PLA2G12B: variants seen among roughly 807,000 people sequenced by gnomAD.
The protein encoded by PLA2G12B is phospholipase A2 group XIIB.
PLA2G12B carries 19 observed loss-of-function variants against 22.3 expected under a neutral mutation model. The observed-to-expected ratio is 0.85, with a 90% CI of 0.60 to 1.25. PLA2G12B has a LOEUF of 1.25. Among genes scored for constraint, PLA2G12B ranks in the 50% most tolerant of loss-of-function variants. The pLI is 0.00. For missense variants in PLA2G12B, 191 were observed against 246.6 expected (o/e 0.77, Z 1.51); for synonymous variants, 81 against 94.9 (o/e 0.85, Z 0.85).
intron 1 of PLA2G12B, among the ~76,000 whole-genome samples, chr10:72,948,490 A>G (rs1846477640): frequency 6.6e-6 from 1 of 152,242 alleles, no homozygotes; most frequent in Non-Finnish European, 1.5e-5. Context: ...AGGATACCAT[A>G]TCCTCAAATT....
chr10:72,946,375 T>C (rs1846440782), intron 1 of PLA2G12B, among the ~76,000 whole-genome samples: 1 of 152,238 alleles, frequency 6.6e-6, no homozygotes, highest in Non-Finnish European at 1.5e-5. Context: ...GACATTTGGG[T>C]TGTTTTCACC....
chr10:72,937,833 T>C (rs1021304258), intron 3 of PLA2G12B, among the ~76,000 whole-genome samples: 2 of 152,096 alleles, frequency 1.3e-5, no homozygotes, highest in Non-Finnish European at 2.9e-5. Context: ...TCCAACACTT[T>C]TTCACGATAA....
intron 1 of PLA2G12B, among the ~76,000 whole-genome samples, chr10:72,951,888 T>C (rs1846537086): frequency 6.6e-6 from 1 of 152,210 alleles, no homozygotes; most frequent in African/African-American, 2.4e-5. Context: ...TTACTTTAGA[T>C]ATGAGAAGCA....
chr10:72,935,983 C>T (rs560800182), intron 3 of PLA2G12B, among the ~76,000 whole-genome samples: 5 of 152,136 alleles, frequency 3.3e-5, no homozygotes, highest in Non-Finnish European at 7.4e-5. Flanking sequence ...ACCAGAACCC[C>T]CCACACCACC....
intron 1 of PLA2G12B, 84 bp downstream of exon 1, chr10:72,954,391 G>A: frequency 6.4e-7 from 1 of 1,553,922 alleles, no homozygotes; most frequent in Non-Finnish European, 8.9e-7. Context: ...ACAGGAAAAA[G>A]TGCAAGACAG....
chr10:72,938,341 T>C (rs1227580170), intron 3 of PLA2G12B, among the ~76,000 whole-genome samples: 5 of 152,000 alleles, frequency 3.3e-5, no homozygotes, highest in Admixed American at 3.3e-4. Context: ...TTGGAAGCTC[T>C]AGCCAGGGCA....
rs531791398 is a variant in PLA2G12B at position 72,942,745 on chromosome 10, C to A, written c.212-5G>T. 6.3e-7 allele frequency: 1 copy of A among 1,587,716 alleles called. No individual in the cohort carries two copies. The highest frequency in any genetic ancestry group is 1.1e-5 in the South Asian group (1 of 87,316). ...GTCTGGGCATTGGTGCCTTTCCTTG[C>A]AGGAGGAAGAAAGGAAAGAAGCAAG... On this transcript the variant is annotated splice_region_variant and splice_polypyrimidine_tract_variant and intron_variant, in intron 1 of 3. Coordinates refer to ENST00000373032, the MANE Select transcript of PLA2G12B (RefSeq NM_032562.5).
intron 3 of PLA2G12B, among the ~76,000 whole-genome samples, chr10:72,940,834 T>C (rs949222264): frequency 3.9e-5 from 6 of 152,114 alleles, no homozygotes; most frequent in Middle Eastern, 3.4e-3. Flanking sequence ...ATTCCTGATA[T>C]GGAAAATTAT....
At chr10:72,940,861 T>C (rs982198295) in intron 3 of PLA2G12B, among the ~76,000 whole-genome samples, 2 of 152,040 alleles carry the variant, frequency 1.3e-5, no homozygotes. Context: ...GTGGAATGGA[T>C]AATCCAAGCC....
chr10:72,935,996 G>A (rs144927673), intron 3 of PLA2G12B, among the ~76,000 whole-genome samples: 9 of 152,258 alleles, frequency 5.9e-5, no homozygotes, highest in Middle Eastern at 3.4e-3. Context: ...ACACCACCAT[G>A]CTCACTCCAT....
At chr10:72,947,703 T>C (rs1846465436) in intron 1 of PLA2G12B, among the ~76,000 whole-genome samples, 1 of 152,220 alleles carries the variant, frequency 6.6e-6, no homozygotes, top group Non-Finnish European at 1.5e-5. Context: ...AGTCATTCCC[T>C]GTCTCAGGCA....
rs553029343 is a variant in PLA2G12B at position 72,937,080 on chromosome 10, G to A, written c.467-1342C>T. Among the ~76,000 whole-genome samples the A allele has an allele frequency of 5.3e-5, 8 of 152,130 alleles. No individual in the cohort carries two copies. In the South Asian group the frequency reaches 1.5e-3, roughly 28 times the overall value. On this transcript the variant is annotated intron_variant, in intron 3 of 3. Transcript: ENST00000373032. ...CAAAAAATTAGCCAGGCGTGGTGGC[G>A]GGCGCCTGTAGTCCCAGCTACTCAG...
At chr10:72,941,464 T>C in intron 2 of PLA2G12B, 130 bp from the exon 3 acceptor site, 1 of 828,904 alleles carries the variant, frequency 1.2e-6, no homozygotes, top group Non-Finnish European at 1.9e-6. Flanking sequence ...TCCCGATCAA[T>C]TCAGAAACAC....
chr10:72,950,575 G>A (rs1419138888), intron 1 of PLA2G12B, among the ~76,000 whole-genome samples: 11 of 152,134 alleles, frequency 7.2e-5, no homozygotes, highest in Non-Finnish European at 1.5e-5. Context: ...CTTCCTCCAG[G>A]GTTCAAGTGA....
At chr10:72,947,964 T>C (rs1846469666) in intron 1 of PLA2G12B, among the ~76,000 whole-genome samples, 1 of 152,156 alleles carries the variant, frequency 6.6e-6, no homozygotes, top group Non-Finnish European at 1.5e-5. Flanking sequence ...AACCTCCGCC[T>C]CCTGTGTTCA....
At position 72,942,641 on chromosome 10, in the gene PLA2G12B, G is replaced by A. The variant is rs767788676; in HGVS notation, c.300+11C>T. 1 of 1,585,844 alleles carries A rather than the reference G, an allele frequency of 6.3e-7. No homozygotes were observed. Among genetic ancestry groups the A allele is most frequent in the Non-Finnish European group, 8.6e-7 (1 of 1,163,420 alleles). On this transcript the variant is annotated intron_variant, in intron 2 of 3. Coordinates refer to ENST00000373032, the MANE Select transcript of PLA2G12B (RefSeq NM_032562.5). ...CCAACCAACCAAGAAGGTAATGCTG[G>A]CAGTACATACACTTTCTGGTACCTT...
intron 2 of PLA2G12B, among the ~76,000 whole-genome samples, chr10:72,942,000 G>A (rs1846369280): frequency 6.6e-6 from 1 of 152,098 alleles, no homozygotes; most frequent in Non-Finnish European, 1.5e-5. Flanking sequence ...AAAATGCCAC[G>A]TGTCTGGGTA....
chr10:72,937,180 A>T (rs994182430), intron 3 of PLA2G12B, among the ~76,000 whole-genome samples: 3 of 152,214 alleles, frequency 2.0e-5, no homozygotes, highest in African/African-American at 7.2e-5. Flanking sequence ...ACTGCACTCC[A>T]GCCTGGGCGA....
intron 1 of PLA2G12B, 23 bp downstream of exon 1, chr10:72,954,452 A>G: frequency 1.2e-6 from 2 of 1,614,166 alleles, no homozygotes; most frequent in South Asian, 1.1e-5. Context: ...CAGTTTTTAC[A>G]GAAAGAGAAA....
Sources: gnomAD v4.1 joint callset for allele counts (sites outside exome capture counted in the v4.1 genomes callset) on GRCh38, gnomAD v4.1.1 for gene constraint, MANE v1.5 for transcripts, NCBI Gene and HGNC (gene_info 2026-07-23, HGNC 2026-07-21) for gene names.